PFKFB3: variants seen among roughly 807,000 people sequenced by gnomAD.
The protein encoded by PFKFB3 is 6-phosphofructo-2-kinase/fructose-2,6-bisphosphatase 3.
A neutral mutation model predicts 68.0 loss-of-function variants in PFKFB3; 33 were observed. That is an observed-to-expected ratio of 0.49 (90% confidence interval 0.37 to 0.65). The LOEUF is 0.65. Among genes scored for constraint, PFKFB3 ranks in the 30% least tolerant of loss-of-function variants. The pLI, the probability that PFKFB3 is intolerant of heterozygous loss-of-function variation, is 0.00. For missense variants in PFKFB3, 586 were observed against 712.2 expected, an observed-to-expected ratio of 0.82 and a Z score of 2.02; for synonymous variants, 315 against 288.2, an observed-to-expected ratio of 1.09 and a Z score of -0.94.
At chr10:6,167,827 G>C (rs563422627) in intron 1 of PFKFB3, among the ~76,000 whole-genome samples, 1 of 152,262 alleles carries the variant, frequency 6.6e-6, no homozygotes, top group South Asian at 2.1e-4. Flanking sequence ...TACGCCCTTA[G>C]GTGTTAAGGA....
the PFKFB3 span, among the ~76,000 whole-genome samples, chr10:6,264,536 A>G: frequency 2.0e-5 from 3 of 151,724 alleles, no homozygotes; most frequent in African/African-American, 7.3e-5. Flanking sequence ...GTGTAGATGT[A>G]TTACACCTAT....
At chr10:6,206,175 A>C (rs1843672614) in intron 1 of PFKFB3, among the ~76,000 whole-genome samples, 2 of 146,214 alleles carry the variant, frequency 1.4e-5, no homozygotes, top group Middle Eastern at 3.4e-3. Context: ...GCTGCCTTCA[A>C]GCATCTGTTC....
intron 1 of PFKFB3, chr10:6,149,918 C>T (rs555962117): frequency 6.6e-6 from 1 of 152,360 alleles, no homozygotes; most frequent in African/African-American, 2.4e-5. Flanking sequence ...GGATTTCACT[C>T]TTTTTTATGG....
At chr10:6,310,903 CT>C in the PFKFB3 span, among the ~76,000 whole-genome samples, 1 of 152,228 alleles carries the variant, frequency 6.6e-6, no homozygotes, top group Admixed American at 6.5e-5. Context: ...ATTTCTTAAA[CT>C]TTGTTTAGTA....
chr10:6,239,427 CA>C (rs1221084256), downstream of PFKFB3, among the ~76,000 whole-genome samples: 1 of 152,202 alleles, frequency 6.6e-6, no homozygotes, highest in African/African-American at 2.4e-5. Context: ...CTGCATGAGT[CA>C]GCAGATCACA....
In PFKFB3 at chr10:6,192,271, C is replaced by T. The variant is rs115414144; in HGVS notation, c.17-21352C>T. Among the ~76,000 whole-genome samples, 493 of 152,022 alleles carry T rather than the reference C, an allele frequency of 3.2e-3. 5 individuals are homozygous for T. Among genetic ancestry groups the T allele is most frequent in the African/African-American group, 0.011 (466 of 41,476 alleles). On this transcript the variant is annotated intron_variant, in intron 1 of 14. Transcript: ENST00000379789. ...ACCGTCCCATTCTCTCATATGAACC[C>T]TACACATTGATCCAGCCCAGCCTGG...
intron 1 of PFKFB3, among the ~76,000 whole-genome samples, chr10:6,146,725 C>T (rs1482710689): frequency 6.6e-6 from 1 of 152,210 alleles, no homozygotes. Context: ...AGCCAAGCTG[C>T]TAATGTATTG....
the PFKFB3 span, among the ~76,000 whole-genome samples, chr10:6,302,243 T>G: frequency 1.3e-5 from 2 of 150,884 alleles, no homozygotes; most frequent in African/African-American, 4.9e-5. Context: ...ATAGTTGAGG[T>G]GGGGTTTTAC....
the PFKFB3 span, among the ~76,000 whole-genome samples, chr10:6,280,875 GA>G: frequency 6.6e-6 from 1 of 151,678 alleles, no homozygotes; most frequent in Non-Finnish European, 1.5e-5. Flanking sequence ...CTTTAGTGAT[GA>G]TTTGTGAGAT....
In PFKFB3 at chr10:6,187,349, A is replaced by T. The variant is rs557764865; in HGVS notation, c.17-26274A>T. ...GCACTCCAGCCTGGGCCACAGAGTGATACTCCGTCTCAGAAAAAAAAGTGA... is the reference window on the plus strand; with the variant it reads ...GCACTCCAGCCTGGGCCACAGAGTGTTACTCCGTCTCAGAAAAAAAAGTGA... On this transcript the variant is annotated intron_variant, in intron 1 of 14. Coordinates refer to the PFKFB3 transcript ENST00000379789. 1.2e-4 allele frequency among the ~76,000 whole-genome samples: 19 copies of T among 152,192 alleles called. No individual in the cohort carries two copies. The East Asian group carries it at 1.4e-3, about 11-fold the overall frequency.
exon 1 of PFKFB3, chr10:6,144,936 C>T (rs948354984): frequency 8.2e-7 from 1 of 1,221,950 alleles, no homozygotes; most frequent in Non-Finnish European, 1.0e-6. Flanking sequence ...GCGGGGCTGC[C>T]GCTTGGACGT....
intron 1 of PFKFB3, among the ~76,000 whole-genome samples, chr10:6,189,832 C>T (rs2131818709): frequency 6.6e-6 from 1 of 151,884 alleles, no homozygotes; most frequent in African/African-American, 2.4e-5. Context: ...AACTTTATCA[C>T]TTGCTTAAAG....
chr10:6,198,668 AGAC>A (rs1472743907), upstream of PFKFB3, among the ~76,000 whole-genome samples: 1 of 152,152 alleles, frequency 6.6e-6, no homozygotes, highest in African/African-American at 2.4e-5. Context: ...TTTTTAGTAA[AGAC>A]GAGGTTTTGC....
chr10:6,176,373 C>G (rs917012052), intron 1 of PFKFB3, among the ~76,000 whole-genome samples: 1 of 152,152 alleles, frequency 6.6e-6, no homozygotes, highest in Non-Finnish European at 1.5e-5. Context: ...GATCGTCGAG[C>G]TGTGCATTCT....
chr10:6,175,972 C>T (rs189664629), intron 1 of PFKFB3, among the ~76,000 whole-genome samples: 34 of 152,356 alleles, frequency 2.2e-4, no homozygotes, highest in East Asian at 1.9e-4. Flanking sequence ...ATCCAGGAAG[C>T]CCCCGCCTTG....
chr10:6,204,466 G>T (rs574571470), intron 1 of PFKFB3, among the ~76,000 whole-genome samples: 16 of 152,348 alleles, frequency 1.1e-4, no homozygotes, highest in Admixed American at 9.8e-4. Flanking sequence ...CTCTCCTGGA[G>T]CCCTGCTCGG....
At chr10:6,184,045 TTTTTATTTTA>T (rs139391729) in intron 1 of PFKFB3, among the ~76,000 whole-genome samples, 1 of 149,442 alleles carries the variant, frequency 6.7e-6, no homozygotes, top group Non-Finnish European at 1.5e-5. Context: ...TGCTTTTTGT[TTTTTATTTTA>T]TTTTATTTTA....
chr10:6,312,576 T>C, the PFKFB3 span, among the ~76,000 whole-genome samples: 4 of 152,198 alleles, frequency 2.6e-5, no homozygotes, highest in Admixed American at 2.6e-4. Flanking sequence ...TTCTAAACAA[T>C]GTCAGCTACT....
At chr10:6,253,469 T>C (rs1846425269) in intron 14 of PFKFB3, among the ~76,000 whole-genome samples, 1 of 152,116 alleles carries the variant, frequency 6.6e-6, no homozygotes, top group African/African-American at 2.4e-5. Flanking sequence ...GCAGACACCC[T>C]TGGCTAAGGT....
Sources: gnomAD v4.1 joint callset for allele counts (sites outside exome capture counted in the v4.1 genomes callset) on GRCh38, gnomAD v4.1.1 for gene constraint, MANE v1.5 for transcripts, NCBI Gene and HGNC (gene_info 2026-07-23, HGNC 2026-07-21) for gene names.